The following FRY variants were observed in gnomAD, a reference collection of about 807,000 sequenced individuals.
The protein encoded by FRY is protein furry homolog.
FRY carries 128 observed loss-of-function variants against 348.4 expected under a neutral mutation model. That is an observed-to-expected ratio of 0.37 (90% CI 0.32 to 0.43). The LOEUF is 0.43. FRY is among the 20% of genes least tolerant of loss of function. The pLI, the probability that FRY is intolerant of heterozygous loss-of-function variation, is 1.00. For missense variants in FRY, 2,736 were observed against 3,695.2 expected, an observed-to-expected ratio of 0.74 and a Z score of 6.73; for synonymous variants, 1,370 against 1,374.7, an observed-to-expected ratio of 1.00 and a Z score of 0.08.
intron 55 of FRY, among the ~76,000 whole-genome samples, chr13:32,268,494 AAAAAAAAAAAAATATATATATAT>A (rs1426144866): frequency 0.054 from 1,019 of 19,006 alleles, 38 homozygotes; most frequent in Middle Eastern, 0.18. Flanking sequence ...TTTAAAAAAA[AAAAAAAAAAAAATATATATATAT>A]ATATATATAT....
chr13:32,227,663 C>G (rs1885651878), intron 39 of FRY, among the ~76,000 whole-genome samples: 1 of 151,954 alleles, frequency 6.6e-6, no homozygotes. Context: ...AATACTAAAG[C>G]TTCTGGGCAC....
At chr13:32,231,861 T>G (rs59435247) in intron 41 of FRY, among the ~76,000 whole-genome samples, 1,988 of 152,322 alleles carry the variant, frequency 0.013, 47 homozygotes, top group African/African-American at 0.045. Context: ...GTGTGAAACT[T>G]AAATCCGGTT....
intron 55 of FRY, among the ~76,000 whole-genome samples, chr13:32,272,374 T>C (rs1826651733): frequency 6.6e-6 from 1 of 152,230 alleles, no homozygotes; most frequent in African/African-American, 2.4e-5. Context: ...TTTTTCCAAG[T>C]GTCTCAGTCA....
intron 59 of FRY, among the ~76,000 whole-genome samples, chr13:32,292,529 C>T (rs1168726255): frequency 6.6e-6 from 1 of 151,976 alleles, no homozygotes; most frequent in Non-Finnish European, 1.5e-5. Context: ...TGCGGTGGCT[C>T]ACGCCTGTAA....
chr13:32,133,723 A>G (rs896716008), intron 8 of FRY, among the ~76,000 whole-genome samples: 31 of 126,046 alleles, frequency 2.5e-4, no homozygotes, highest in African/African-American at 9.1e-4. Context: ...TTAACATGTT[A>G]TTATATTTAG....
intron 51 of FRY, 124 bp downstream of exon 51, chr13:32,254,518 T>TCCA: frequency 9.8e-7 from 1 of 1,017,310 alleles, no homozygotes; most frequent in Non-Finnish European, 1.5e-6. Flanking sequence ...TTGTAAACTT[T>TCCA]ATTTTGAATC....
intron 54 of FRY, 127 bp from the exon 55 acceptor site, chr13:32,267,043 A>G (rs2138564266): frequency 1.2e-6 from 1 of 842,294 alleles, no homozygotes; most frequent in Non-Finnish European, 2.0e-6. Context: ...CCCCAAAGCA[A>G]CTTCAAAAGG....
At chr13:32,105,226 G>A (rs564241961) in intron 3 of FRY, among the ~76,000 whole-genome samples, 1 of 152,216 alleles carries the variant, frequency 6.6e-6, no homozygotes, top group Non-Finnish European at 1.5e-5. Flanking sequence ...TGTGAATGGG[G>A]TTAGGTGCTC....
intron 1 of FRY, among the ~76,000 whole-genome samples, chr13:32,070,324 C>G (rs180690404): frequency 8.1e-4 from 123 of 152,306 alleles, no homozygotes; most frequent in Middle Eastern, 3.4e-3. Context: ...CTAATTTACA[C>G]TCCCACCAAC....
At position 32,179,751 on chromosome 13, in the gene FRY, C is replaced by T; in HGVS notation, c.2948C>T (p.Thr983Ile). 1 of 1,613,430 alleles carries T rather than the reference C, an allele frequency of 6.2e-7. No individual in the cohort carries two copies. Among genetic ancestry groups the T allele is most frequent in the Non-Finnish European group, 8.5e-7 (1 of 1,179,358 alleles). Residue 983 changes from threonine (T) to isoleucine (I), a missense_variant, in exon 23 of 61, where the codon ACA (threonine) becomes ATA (isoleucine). This residue lies in a region of FRY where 449 missense variants were observed against 576.9 expected (regional missense o/e 0.78). Coordinates refer to ENST00000542859, the MANE Select transcript of FRY (RefSeq NM_023037.3). Reference sequence around the variant, plus strand: ...ATGAGACTAGAGAGCATTGAGATCACAGAGTCCTTAGTTTTAGGATTTGGA... The same window carrying T: ...ATGAGACTAGAGAGCATTGAGATCATAGAGTCCTTAGTTTTAGGATTTGGA... ...PLMRLESIEITESLVLGFGRT... is the reference protein window; with the variant it reads ...PLMRLESIEIIESLVLGFGRT...
Position 32,293,048 on chromosome 13 carries a change from C to T in FRY, c.8581-1320C>T, listed in dbSNP as rs185286061. Among the ~76,000 whole-genome samples the T allele has an allele frequency of 1.5e-3, 221 of 152,114 alleles. 8 individuals carry two copies. The highest frequency in any genetic ancestry group is 0.014 in the Admixed American group (219 of 15,260). On this transcript the variant is annotated intron_variant, in intron 59 of 60. Coordinates refer to ENST00000542859, the MANE Select transcript of FRY (RefSeq NM_023037.3). ...TATTTTTAGACTTAGTGTATTTAGACTACAATATTGTGTAAACATAATTTT... is the reference window on the plus strand; with the variant it reads ...TATTTTTAGACTTAGTGTATTTAGATTACAATATTGTGTAAACATAATTTT...
rs201988547 is a variant in FRY at position 32,209,006 on chromosome 13, G to A, written c.4172G>A (p.Arg1391Gln). 1.0e-4 allele frequency: 166 copies of A among 1,614,036 alleles called. No homozygotes were observed. Among genetic ancestry groups the A allele is most frequent in the Admixed American group, 2.3e-4 (14 of 59,998 alleles). The stretch of plus-strand genomic sequence containing the variant: ...AGCCCAGAGGACGAAGTCAAGGACC[G>A]GGAAGGTGACGTGACTGCTTCTCAC... The part of the protein sequence containing the change: ...PSSPEDEVKD[R>Q]EGDVTASHGL... Residue 1391 changes from arginine to glutamine, a missense_variant, in exon 32 of 61, where the codon CGG becomes CAG. By Grantham distance (43) the Arg-to-Gln change is conservative. Around this residue, in one of 9 missense-constraint regions of FRY, gnomAD observed 794 missense variants for 977.0 expected, o/e 0.81. Coordinates refer to ENST00000542859, the MANE Select transcript of FRY (RefSeq NM_023037.3).
intron 3 of FRY, among the ~76,000 whole-genome samples, chr13:32,112,574 T>C (rs1330592999): frequency 6.6e-6 from 1 of 152,238 alleles, no homozygotes; most frequent in Non-Finnish European, 1.5e-5. Context: ...CTGTAACTAT[T>C]TGCAATTGAA....
At position 32,178,930 on chromosome 13, in the gene FRY, T is replaced by C. The variant is rs1289347728; in HGVS notation, c.2768T>C (p.Phe923Ser). 6 of 1,613,638 alleles carry C rather than the reference T, an allele frequency of 3.7e-6. No individual in the cohort carries two copies. Among genetic ancestry groups the C allele is most frequent in the Non-Finnish European group, 5.1e-6 (6 of 1,179,530 alleles). ...TGGAGAAATTACCTAATTCTTTGTT[T>C]TGGAGTTGCAAAACCCAGTATTATG... ...TLWRNYLILC[F>S]GVAKPSIMSP... is the part of the protein sequence containing the mutation. Residue 923 changes from phenylalanine to serine, a missense_variant, in exon 22 of 61, where the codon TTT (phenylalanine) becomes TCT (serine). By Grantham distance (155) the Phe-to-Ser change is radical. Around this residue, in one of 9 missense-constraint regions of FRY, gnomAD observed 449 missense variants for 576.9 expected, o/e 0.78. Transcript: ENST00000542859.
chr13:32,298,251 G>C lies in FRY; in HGVS notation c.*2791G>C, dbSNP rs2072094540. 1 of 152,204 alleles carries C rather than the reference G, an allele frequency of 6.6e-6. No individual in the cohort carries two copies. The highest frequency in any genetic ancestry group is 2.1e-4 in the South Asian group (1 of 4,826). The allele number at this position is 152,204 out of a possible 1,614,324, so 9.4% of individuals were successfully genotyped here. On this transcript the variant is annotated 3_prime_UTR_variant, in exon 61 of 61. Coordinates refer to ENST00000542859, the MANE Select transcript of FRY (RefSeq NM_023037.3). The stretch of plus-strand genomic sequence containing the variant: ...AACTGTAGAATTCTGGAAAGAATAA[G>C]CGTACCTCCAGGCTGCTTACATCAA...
chr13:32,082,118 C>T (rs757157185), intron 2 of FRY, among the ~76,000 whole-genome samples: 2 of 151,328 alleles, frequency 1.3e-5, no homozygotes, highest in African/African-American at 2.4e-5. Flanking sequence ...AAGACTAACT[C>T]GGAATTTCAC....
In FRY at chr13:32,182,958, T is replaced by C. The variant is rs377235861; in HGVS notation, c.2997-19T>C. 8 of 1,549,764 alleles carry C rather than the reference T, an allele frequency of 5.2e-6. No homozygotes were observed. In the African/African-American group the frequency reaches 1.1e-4, roughly 21 times the overall value. The stretch of plus-strand genomic sequence containing the variant: ...TGTCAAAAACAATGAATTTCAAATT[T>C]GACCTTTTTCCTCCACAGAGAATTG... On this transcript the variant is annotated intron_variant, in intron 23 of 60. Coordinates refer to ENST00000542859, the MANE Select transcript of FRY (RefSeq NM_023037.3).
intron 1 of FRY, among the ~76,000 whole-genome samples, chr13:32,033,452 A>T (rs185574857): frequency 2.0e-5 from 3 of 152,316 alleles, no homozygotes; most frequent in Non-Finnish European, 4.4e-5. Context: ...TTGTGACAAT[A>T]CTGAGGCCAA....
chr13:32,135,240 TA>T, intron 10 of FRY, 57 bp downstream of exon 10: 6 of 1,052,020 alleles, frequency 5.7e-6, no homozygotes, highest in Non-Finnish European at 7.4e-6. Flanking sequence ...CTAAAATTCC[TA>T]GACAGGAATC....
Sources: gnomAD v4.1 joint callset for allele counts (sites outside exome capture counted in the v4.1 genomes callset) on GRCh38, gnomAD v4.1.1 for gene constraint, gnomAD v4.1.1 regional missense constraint, MANE v1.5 for transcripts, NCBI Gene and HGNC (gene_info 2026-07-23, HGNC 2026-07-21) for gene names.